The following ATRNL1 variants were observed in gnomAD, a reference collection of about 807,000 sequenced individuals.
ATRNL1 encodes attractin like 1.
A neutral mutation model predicts 182.7 loss-of-function variants in ATRNL1; 95 were observed. That is an observed-to-expected ratio of 0.52 (90% CI 0.44 to 0.62). ATRNL1 has a LOEUF of 0.62. Among genes scored for constraint, ATRNL1 ranks in the 20% least tolerant of loss-of-function variants. ATRNL1 has a pLI of 0.00. For missense variants in ATRNL1, 1,471 were observed against 1,679.5 expected, an observed-to-expected ratio of 0.88 and a Z score of 2.17; for synonymous variants, 576 against 568.3, an observed-to-expected ratio of 1.01 and a Z score of -0.19.
At chr10:115,482,550 A>G (rs953922261) in intron 24 of ATRNL1, among the ~76,000 whole-genome samples, 1 of 106,552 alleles carries the variant, frequency 9.4e-6, no homozygotes, top group Non-Finnish European at 2.5e-5. Flanking sequence ...ATAAACAAAT[A>G]TAATAATTTT....
rs138159737 is a variant in ATRNL1 at position 115,521,246 on chromosome 10, C to T, written c.3716+1922C>T. ...TCGGCTCACTGCAACCTTCACCTCC[C>T]GGGTTCAAGCATTTCTCCTGCCTCA... On this transcript the variant is annotated intron_variant, in intron 25 of 28. Coordinates refer to ENST00000355044, the MANE Select transcript of ATRNL1 (RefSeq NM_207303.4). 8.3e-3 allele frequency among the ~76,000 whole-genome samples: 1,260 copies of T among 152,048 alleles called. 17 individuals are homozygous for T. Among genetic ancestry groups the T allele is most frequent in the African/African-American group, 0.029 (1,198 of 41,478 alleles).
At chr10:115,097,071 GATTT>G (rs1300151702) in intron 1 of ATRNL1, among the ~76,000 whole-genome samples, 4 of 151,908 alleles carry the variant, frequency 2.6e-5, no homozygotes, top group Non-Finnish European at 5.9e-5. Context: ...GTAGAGTAGA[GATTT>G]ATATAAATTT....
At chr10:115,713,844 C>T (rs1555055523) in intron 26 of ATRNL1, among the ~76,000 whole-genome samples, 4 of 152,132 alleles carry the variant, frequency 2.6e-5, no homozygotes, top group Non-Finnish European at 4.4e-5. Flanking sequence ...AGATACGTTT[C>T]TCAGTTGCCC....
chr10:115,785,067 CTCA>C (rs1949362256), intron 27 of ATRNL1, among the ~76,000 whole-genome samples: 1 of 152,196 alleles, frequency 6.6e-6, no homozygotes, highest in Non-Finnish European at 1.5e-5. Context: ...AGTCCCAAAT[CTCA>C]TCATCTAAAC....
intron 26 of ATRNL1, among the ~76,000 whole-genome samples, chr10:115,700,108 C>A (rs1946684933): frequency 6.6e-6 from 1 of 152,110 alleles, no homozygotes; most frequent in Non-Finnish European, 1.5e-5. Context: ...CTTAAGTTGA[C>A]TCAATGTCTT....
intron 26 of ATRNL1, among the ~76,000 whole-genome samples, chr10:115,551,812 T>C (rs970011156): frequency 7.3e-5 from 11 of 151,290 alleles, no homozygotes; most frequent in Non-Finnish European, 1.6e-4. Context: ...ATTACAATTG[T>C]CCCCCCTTAT....
At chr10:115,689,841 C>A (rs551263981) in intron 26 of ATRNL1, among the ~76,000 whole-genome samples, 1 of 152,150 alleles carries the variant, frequency 6.6e-6, no homozygotes, top group Non-Finnish European at 1.5e-5. Context: ...CTGTCCTGGA[C>A]GCTGGGGCCA....
At chr10:115,382,542 C>A (rs1565832) in intron 19 of ATRNL1, among the ~76,000 whole-genome samples, 57,605 of 151,574 alleles carry the variant, frequency 0.38, 12,098 homozygotes, top group African/African-American at 0.56. Context: ...ATCCTGCTTA[C>A]ACATTGATTT....
chr10:115,876,915 C>T (rs1260280719), intron 28 of ATRNL1, among the ~76,000 whole-genome samples: 1 of 152,122 alleles, frequency 6.6e-6, no homozygotes, highest in Admixed American at 6.6e-5. Context: ...TCTAGCATTT[C>T]AGCCAAACAA....
At chr10:115,257,193 C>G (rs1554907260) in intron 10 of ATRNL1, among the ~76,000 whole-genome samples, 1 of 151,050 alleles carries the variant, frequency 6.6e-6, no homozygotes, top group Admixed American at 6.6e-5. Flanking sequence ...CCTTGTTAAC[C>G]TCTCTCATTG....
intron 27 of ATRNL1, among the ~76,000 whole-genome samples, chr10:115,779,796 G>T (rs1300002871): frequency 2.6e-5 from 4 of 152,054 alleles, no homozygotes; most frequent in Non-Finnish European, 5.9e-5. Context: ...TTCCTCTAGG[G>T]TTGGTACAAA....
At chr10:115,267,172 C>T (rs142951287) in intron 12 of ATRNL1, among the ~76,000 whole-genome samples, 167 bp downstream of exon 12, 1,779 of 151,062 alleles carry the variant, frequency 0.012, 34 homozygotes, top group African/African-American at 0.04. Context: ...TAATTTAATA[C>T]ATTTATTAGC....
chr10:115,509,523 C>A (rs549151692), intron 24 of ATRNL1, among the ~76,000 whole-genome samples: 4 of 151,840 alleles, frequency 2.6e-5, no homozygotes, highest in Non-Finnish European at 5.9e-5. Context: ...TGTGTAGTAC[C>A]CCCTCTTCAC....
chr10:115,941,147 C>T (rs2134623159), intron 28 of ATRNL1, among the ~76,000 whole-genome samples: 1 of 152,262 alleles, frequency 6.6e-6, no homozygotes, highest in South Asian at 2.1e-4. Flanking sequence ...GCAAGCCTTT[C>T]TACATACACA....
intron 15 of ATRNL1, among the ~76,000 whole-genome samples, chr10:115,290,670 A>G (rs915955660): frequency 2.6e-5 from 4 of 151,868 alleles, no homozygotes; most frequent in African/African-American, 9.7e-5. Context: ...ACCCCCGTCC[A>G]AAAAAGAGCA....
intron 1 of ATRNL1, among the ~76,000 whole-genome samples, chr10:115,104,799 A>G (rs1019901354): frequency 6.6e-6 from 1 of 152,096 alleles, no homozygotes; most frequent in South Asian, 2.1e-4. Context: ...TATTGAGGAG[A>G]CTGTTACTTC....
At chr10:115,831,366 A>T (rs912148770) in intron 27 of ATRNL1, among the ~76,000 whole-genome samples, 1 of 152,150 alleles carries the variant, frequency 6.6e-6, no homozygotes, top group Admixed American at 6.5e-5. Context: ...ATTTGAGGAG[A>T]GAGAACTGGA....
intron 5 of ATRNL1, among the ~76,000 whole-genome samples, chr10:115,151,218 A>G (rs1412356121): frequency 2.0e-5 from 3 of 152,134 alleles, no homozygotes; most frequent in African/African-American, 4.8e-5. Context: ...ATGATTTATA[A>G]TCCTTTGGGT....
In ATRNL1 at chr10:115,918,609, G is replaced by C. The variant is rs115678048; in HGVS notation, c.4019-26049G>C. On this transcript the variant is annotated intron_variant, in intron 28 of 28. Transcript: ENST00000355044. ...ATATAGTAGAGATGTAGTGGGGTTA[G>C]GGATTTGGGAATGGCAAAAGGGGAT... Among the ~76,000 whole-genome samples, 1,276 of 152,296 alleles carry C rather than the reference G, an allele frequency of 8.4e-3. 24 individuals carry two copies. The highest frequency in any genetic ancestry group is 0.03 in the African/African-American group (1,227 of 41,560).
Sources: gnomAD v4.1 joint callset for allele counts (sites outside exome capture counted in the v4.1 genomes callset) on GRCh38, gnomAD v4.1.1 for gene constraint, MANE v1.5 for transcripts, NCBI Gene and HGNC (gene_info 2026-07-23, HGNC 2026-07-21) for gene names.